CUEDC1: variants seen among roughly 807,000 people sequenced by gnomAD.
CUEDC1 encodes the protein CUE domain containing 1, also known as CUE domain-containing protein 1.
In CUEDC1, 30 loss-of-function variants were observed where a neutral mutation model predicts 43.7. The observed-to-expected ratio is 0.69, with a 90% CI of 0.51 to 0.93. The LOEUF (loss-of-function observed/expected upper bound fraction) is 0.93, where lower values mean the gene tolerates loss of function less well. Among genes scored for constraint, CUEDC1 ranks in the 40% least tolerant of loss-of-function variants. The probability of loss-of-function intolerance (pLI) is 0.00; values close to 1 mark genes in which losing one functional copy is unlikely to be tolerated. For missense variants in CUEDC1, 486 were observed against 549.0 expected, an observed-to-expected ratio of 0.89 and a Z score of 1.15; for synonymous variants, 223 against 223.6, an observed-to-expected ratio of 1.00 and a Z score of 0.02.
intron 2 of CUEDC1, among the ~76,000 whole-genome samples, chr17:57,881,346 A>C (rs1468996623): frequency 6.6e-6 from 1 of 152,266 alleles, no homozygotes; most frequent in Admixed American, 6.5e-5. Context: ...GGAAGAATGT[A>C]GTGCTTGGCA....
chr17:57,885,718 A>G lies in CUEDC1; in HGVS notation c.-154T>C, dbSNP rs2586052. ...GGTAGCCAGGCAGCAATGGGCTGCC[A>G]AGAGCTCCGGGTTAGGAGAGTACGG... On this transcript the variant is annotated 5_prime_UTR_variant, in exon 2 of 11. Coordinates refer to ENST00000577830, the MANE Select transcript of CUEDC1 (RefSeq NM_001271875.2). The G allele has an allele frequency of 0.84, 1,040,845 of 1,232,870 alleles. 440,285 individuals carry two copies. The highest frequency in any genetic ancestry group is 1 in the East Asian group (29,986 of 30,024). 76.4% of individuals were successfully genotyped at this position (1,232,870 alleles called of 1,614,324 possible).
chr17:57,873,737 A>C lies in CUEDC1; in HGVS notation c.465-20T>G, dbSNP rs373611622. On this transcript the variant is annotated intron_variant, in intron 3 of 10. Coordinates refer to ENST00000577830, the MANE Select transcript of CUEDC1 (RefSeq NM_001271875.2). The stretch of plus-strand genomic sequence containing the variant: ...TCGATACTAGGGGATGGCAGGTGAC[A>C]GGGAAGAGGAAGTCATTAAGCCCAA... 8.3e-5 allele frequency: 128 copies of C among 1,546,622 alleles called. No homozygotes were observed. In the African/African-American group the frequency reaches 1.7e-3, roughly 20 times the overall value.
intron 1 of CUEDC1, among the ~76,000 whole-genome samples, chr17:57,941,151 A>G (rs898091459): frequency 1.3e-5 from 2 of 152,220 alleles, no homozygotes; most frequent in African/African-American, 2.4e-5. Context: ...GGAAAACAGA[A>G]GCCGCAAAAG....
At chr17:57,910,889 C>T (rs1037060682) in intron 1 of CUEDC1, among the ~76,000 whole-genome samples, 17 of 152,142 alleles carry the variant, frequency 1.1e-4, no homozygotes, top group Non-Finnish European at 1.9e-4. Flanking sequence ...TACCCCCTGG[C>T]TTTGCTCTGT....
chr17:57,885,909 G>A (rs2074285309), intron 1 of CUEDC1, 30 bp from the exon 2 acceptor site: 3 of 203,000 alleles, frequency 1.5e-5, no homozygotes, highest in African/African-American at 2.3e-5. Context: ...AGTCAGGGCC[G>A]AGGCTAACAA....
At chr17:57,920,148 A>G (rs2074684861) in intron 1 of CUEDC1, among the ~76,000 whole-genome samples, 1 of 152,166 alleles carries the variant, frequency 6.6e-6, no homozygotes, top group Non-Finnish European at 1.5e-5. Context: ...TTTTGATTCC[A>G]GTGACTGTGC....
intron 3 of CUEDC1, among the ~76,000 whole-genome samples, chr17:57,876,005 A>T (rs1252371609): frequency 6.6e-6 from 1 of 152,070 alleles, no homozygotes; most frequent in East Asian, 1.9e-4. Flanking sequence ...GTGCCCTAGG[A>T]GGCCAATACC....
chr17:57,890,621 C>T (rs973815044), intron 1 of CUEDC1, among the ~76,000 whole-genome samples: 3 of 152,228 alleles, frequency 2.0e-5, no homozygotes, highest in African/African-American at 7.2e-5. Context: ...CCCTCCACCT[C>T]CCCTGTGAAG....
chr17:57,876,009 C>A (rs757507421), intron 3 of CUEDC1, among the ~76,000 whole-genome samples: 18 of 152,118 alleles, frequency 1.2e-4, no homozygotes, highest in Admixed American at 5.2e-4. Flanking sequence ...CCTAGGAGGC[C>A]AATACCCACG....
At chr17:57,874,952 C>T (rs2074095080) in intron 3 of CUEDC1, among the ~76,000 whole-genome samples, 1 of 152,144 alleles carries the variant, frequency 6.6e-6, no homozygotes, top group African/African-American at 2.4e-5. Flanking sequence ...AGACTGGAGC[C>T]AAGGGAACCC....
In CUEDC1 at chr17:57,873,356, C is replaced by T. The variant is rs550038968; in HGVS notation, c.591+235G>A. 7.0e-4 allele frequency among the ~76,000 whole-genome samples: 106 copies of T among 152,362 alleles called. 2 individuals carry two copies. The South Asian group carries it at 0.022, about 31-fold the overall frequency. On this transcript the variant is annotated intron_variant, in intron 4 of 10. Coordinates refer to ENST00000577830, the MANE Select transcript of CUEDC1 (RefSeq NM_001271875.2). ...TCTCTCCAGCCTGAGGTGACTGCTG[C>T]AGCAGACAGCCTCCTTAGGCTGTCA...
intron 6 of CUEDC1, 81 bp from the exon 7 acceptor site, chr17:57,869,274 C>A: frequency 8.0e-7 from 1 of 1,247,270 alleles, no homozygotes; most frequent in Non-Finnish European, 1.2e-6. Flanking sequence ...CATCTGAGGA[C>A]AAATGCAAAG....
At chr17:57,876,359 T>C (rs796226350) in intron 3 of CUEDC1, among the ~76,000 whole-genome samples, 5 of 152,226 alleles carry the variant, frequency 3.3e-5, no homozygotes, top group African/African-American at 1.2e-4. Context: ...CCTGAGCGCC[T>C]CCCTGTCCTC....
intron 1 of CUEDC1, among the ~76,000 whole-genome samples, chr17:57,894,736 C>A (rs2074391520): frequency 6.6e-6 from 1 of 152,170 alleles, no homozygotes; most frequent in Non-Finnish European, 1.5e-5. Context: ...CTCTCTCCTG[C>A]CTCAACACTT....
At chr17:57,918,238 G>C (rs148306707) in intron 1 of CUEDC1, among the ~76,000 whole-genome samples, 1 of 152,328 alleles carries the variant, frequency 6.6e-6, no homozygotes, top group Non-Finnish European at 1.5e-5. Context: ...GAAGTATTCA[G>C]ACATGGATGG....
rs199930256 is a variant in CUEDC1 at position 57,872,695 on chromosome 17, C to G, written c.752G>C (p.Arg251Pro). 1 of 1,614,148 alleles carries G rather than the reference C, an allele frequency of 6.2e-7. No individual in the cohort carries two copies. The highest frequency in any genetic ancestry group is 1.3e-5 in the African/African-American group (1 of 75,052). ...QNEEFMKELQRNRDFLLALER... is the reference protein window; with the variant it reads ...QNEEFMKELQPNRDFLLALER... The stretch of plus-strand genomic sequence containing the variant: ...CAGAGCGAGGAGGAAGTCGCGGTTC[C>G]GTTGCAGCTCCTTCATGAACTCCTC... The change falls in exon 5 of 11, where the codon CGG (arginine) becomes CCG (proline). Residue 251 changes from arginine (R) to proline (P), a missense_variant. Transcript: ENST00000577830.
At chr17:57,867,207 G>A in intron 9 of CUEDC1, 150 bp downstream of exon 9, 1 of 722,342 alleles carries the variant, frequency 1.4e-6, no homozygotes, top group Non-Finnish European at 2.4e-6. Context: ...CCAAGTCAGG[G>A]GGATCCATAT....
intron 10 of CUEDC1, among the ~76,000 whole-genome samples, chr17:57,865,823 CTT>C (rs35170290): frequency 1.6e-4 from 22 of 134,658 alleles, no homozygotes; most frequent in Admixed American, 6.8e-4. Flanking sequence ...TTTTCTTTTT[CTT>C]TTTTTTTTTT....
intron 1 of CUEDC1, among the ~76,000 whole-genome samples, chr17:57,919,137 G>A (rs550482082): frequency 9.3e-4 from 141 of 152,166 alleles, no homozygotes; most frequent in Non-Finnish European, 1.6e-3. Context: ...ACAGGTGTGA[G>A]CCCCTGCACC....
Sources: allele counts gnomAD v4.1 joint callset (sites outside exome capture counted in the v4.1 genomes callset), GRCh38; gene constraint gnomAD v4.1.1; transcripts MANE v1.5; gene names NCBI Gene and HGNC (gene_info 2026-07-23, HGNC 2026-07-21).